ENTREP2: variants seen among roughly 807,000 people sequenced by gnomAD.
The protein encoded by ENTREP2 is protein ENTREP2.
At chr15:29,665,835 G>A in the ENTREP2 span, among the ~76,000 whole-genome samples, 1 of 151,334 alleles carries the variant, frequency 6.6e-6, no homozygotes, top group South Asian at 2.1e-4. Flanking sequence ...GGAATGCAAG[G>A]AACTTGTTTA....
chr15:29,604,157 CA>C, the ENTREP2 span, among the ~76,000 whole-genome samples: 6,171 of 152,148 alleles, frequency 0.041, 457 homozygotes, highest in African/African-American at 0.14. Flanking sequence ...GGGAATTTCA[CA>C]AAACGAAGAA....
chr15:29,657,808 A>C, the ENTREP2 span, among the ~76,000 whole-genome samples: 3 of 152,158 alleles, frequency 2.0e-5, no homozygotes, highest in African/African-American at 7.2e-5. Context: ...TCACCTCTCA[A>C]TTAGATAACC....
the ENTREP2 span, among the ~76,000 whole-genome samples, chr15:29,170,603 T>A: frequency 6.6e-6 from 1 of 151,996 alleles, no homozygotes; most frequent in African/African-American, 2.4e-5. Flanking sequence ...TGTGTGAGTG[T>A]GTGTGTGTGC....
the ENTREP2 span, among the ~76,000 whole-genome samples, chr15:29,543,153 GACAT>G: frequency 4.1e-5 from 2 of 48,516 alleles, no homozygotes; most frequent in African/African-American, 3.7e-4. Context: ...CTGTCTACAT[GACAT>G]GTTAGTCACA....
chr15:29,234,722 C>T, the ENTREP2 span: 1 of 1,516,632 alleles, frequency 6.6e-7, no homozygotes, highest in Non-Finnish European at 9.2e-7. Flanking sequence ...TCCATTGTGG[C>T]AAGTAAATTG....
the ENTREP2 span, among the ~76,000 whole-genome samples, chr15:29,331,426 C>T: frequency 1.3e-5 from 2 of 151,956 alleles, no homozygotes; most frequent in Non-Finnish European, 1.5e-5. Flanking sequence ...AACACCTGTC[C>T]GGGGCCTCTC....
chr15:29,660,697 G>A, the ENTREP2 span, among the ~76,000 whole-genome samples: 2 of 152,196 alleles, frequency 1.3e-5, no homozygotes, highest in Admixed American at 1.3e-4. Context: ...CACTCTGTGT[G>A]AAAAGTAGTT....
chr15:29,308,104 A>G, the ENTREP2 span, among the ~76,000 whole-genome samples: 3 of 152,220 alleles, frequency 2.0e-5, no homozygotes, highest in Non-Finnish European at 4.4e-5. Flanking sequence ...ATGCCTGTCT[A>G]CAGATTACTT....
the ENTREP2 span, among the ~76,000 whole-genome samples, chr15:29,140,570 C>T: frequency 6.6e-6 from 1 of 152,186 alleles, no homozygotes; most frequent in Non-Finnish European, 1.5e-5. Flanking sequence ...TTTGAACAAA[C>T]CAGCTCTAAT....
the ENTREP2 span, among the ~76,000 whole-genome samples, chr15:29,288,798 A>G: frequency 2.0e-5 from 3 of 152,220 alleles, no homozygotes; most frequent in African/African-American, 4.8e-5. Flanking sequence ...CATTAAGCAC[A>G]TAACACATAA....
At chr15:29,368,490 C>T in the ENTREP2 span, among the ~76,000 whole-genome samples, 2 of 151,456 alleles carry the variant, frequency 1.3e-5, no homozygotes, top group Admixed American at 1.3e-4. Flanking sequence ...ATTAAAAGAA[C>T]TAAAGCAAAC....
chr15:29,415,269 C>G, the ENTREP2 span, among the ~76,000 whole-genome samples: 1 of 152,114 alleles, frequency 6.6e-6, no homozygotes, highest in Non-Finnish European at 1.5e-5. Flanking sequence ...ACTGGCAAAC[C>G]GAATCCAGCA....
chr15:29,526,365 A>C, the ENTREP2 span, among the ~76,000 whole-genome samples: 1 of 151,840 alleles, frequency 6.6e-6, no homozygotes, highest in Non-Finnish European at 1.5e-5. Context: ...CTGACTCTCC[A>C]CATCATTCCC....
the ENTREP2 span, among the ~76,000 whole-genome samples, chr15:29,524,352 TA>T: frequency 3.2e-4 from 49 of 152,046 alleles, 1 homozygote; most frequent in South Asian, 1.0e-2. Flanking sequence ...ATGGCTGTAA[TA>T]AAAAAAACTA....
At chr15:29,571,673 A>G in the ENTREP2 span, among the ~76,000 whole-genome samples, 1 of 152,220 alleles carries the variant, frequency 6.6e-6, no homozygotes, top group African/African-American at 2.4e-5. Flanking sequence ...TAAATGCGCA[A>G]TATCATTAAT....
chr15:29,668,250 T>C, the ENTREP2 span, among the ~76,000 whole-genome samples: 1 of 152,164 alleles, frequency 6.6e-6, no homozygotes, highest in Non-Finnish European at 1.5e-5. Context: ...TTGTCTGCTA[T>C]TGCCAGTCCG....
the ENTREP2 span, among the ~76,000 whole-genome samples, chr15:29,126,913 A>T: frequency 1.6e-3 from 246 of 152,286 alleles, no homozygotes; most frequent in African/African-American, 5.6e-3. Flanking sequence ...GCAGCCAGAC[A>T]GGGTGGTGCA....
At chr15:29,612,366 G>C in the ENTREP2 span, among the ~76,000 whole-genome samples, 1 of 152,256 alleles carries the variant, frequency 6.6e-6, no homozygotes, top group Admixed American at 6.5e-5. Context: ...GGAGATGACG[G>C]CGTGAGTTTG....
At chr15:29,391,953 T>C in the ENTREP2 span, among the ~76,000 whole-genome samples, 1 of 152,152 alleles carries the variant, frequency 6.6e-6, no homozygotes, top group South Asian at 2.1e-4. Flanking sequence ...GCCTCCCAAG[T>C]AGCTGGGACT....
Sources: allele counts gnomAD v4.1 joint callset (sites outside exome capture counted in the v4.1 genomes callset), GRCh38; gene constraint gnomAD v4.1.1; transcripts MANE v1.5; gene names NCBI Gene and HGNC (gene_info 2026-07-23, HGNC 2026-07-21).